Variants in DNAH12 observed in about 807,000 individuals in gnomAD.
The protein encoded by DNAH12 is axonemal beta dynein heavy chain 12.
DNAH12 carries 285 observed loss-of-function variants against 371.5 expected under a neutral mutation model. That is an observed-to-expected ratio of 0.77 (90% confidence interval 0.70 to 0.85). The LOEUF (loss-of-function observed/expected upper bound fraction) is 0.85, where lower values mean the gene tolerates loss of function less well. DNAH12 is among the 40% of genes least tolerant of loss of function. DNAH12 has a pLI of 0.00. For missense variants in DNAH12, 3,611 were observed against 3,689.4 expected (o/e 0.98, Z 0.55); for synonymous variants, 1,200 against 1,213.0 (o/e 0.99, Z 0.22).
intron 2 of DNAH12, among the ~76,000 whole-genome samples, chr3:57,538,270 CA>C (rs1372011033): frequency 1.1e-4 from 8 of 69,636 alleles, no homozygotes; most frequent in Non-Finnish European, 2.2e-4. Flanking sequence ...ACCAATAATT[CA>C]AAATGCATTT....
Position 57,542,741 on chromosome 3 carries a change from T to C in DNAH12, c.130A>G (p.Arg44Gly). The C allele has an allele frequency of 6.2e-7, 1 of 1,608,664 alleles. No individual in the cohort carries two copies. The highest frequency in any genetic ancestry group is 1.1e-5 in the South Asian group (1 of 89,952). ...TTCTGCTGCTGCTCCTTGGATCTTC[T>C]GTATTTTAGCAGCTTACTTTGTGTT... The part of the protein sequence containing the change: ...TPTQSKLLKY[R>G]RSKEQQQKIN... The change falls in exon 2 of 74, where the codon AGA becomes GGA. Residue 44 changes from arginine (R) to glycine (G), a missense_variant. Physicochemically the swap from Arg to Gly is moderately radical, Grantham distance 125. This residue lies in a region of DNAH12 where 1,314 missense variants were observed against 1,398.7 expected (regional missense o/e 0.94). Transcript: ENST00000495027.
At chr3:57,479,269 T>G (rs1330465286) in intron 13 of DNAH12, among the ~76,000 whole-genome samples, 3 of 152,024 alleles carry the variant, frequency 2.0e-5, no homozygotes, top group Non-Finnish European at 4.4e-5. Flanking sequence ...GGGGTTGCAA[T>G]CCTAGTCTCT....
At chr3:57,377,382 C>A (rs978014654) in intron 52 of DNAH12, among the ~76,000 whole-genome samples, 160 bp from the exon 53 acceptor site, 1 of 151,814 alleles carries the variant, frequency 6.6e-6, no homozygotes, top group African/African-American at 2.4e-5. Flanking sequence ...GTAAAATATA[C>A]CTATATATTT....
chr3:57,303,485 C>A (rs1392469553), intron 69 of DNAH12, among the ~76,000 whole-genome samples: 1 of 148,254 alleles, frequency 6.7e-6, no homozygotes. Flanking sequence ...GATCTCTGTT[C>A]ACTGCAGCCT....
At chr3:57,342,797 G>C (rs1215942005) in intron 60 of DNAH12, among the ~76,000 whole-genome samples, 1 of 151,912 alleles carries the variant, frequency 6.6e-6, no homozygotes, top group African/African-American at 2.4e-5. Context: ...AATGAGGCTA[G>C]CATGATGGTT....
chr3:57,341,806 A>G (rs2062407839), intron 60 of DNAH12, among the ~76,000 whole-genome samples: 1 of 152,194 alleles, frequency 6.6e-6, no homozygotes, highest in Non-Finnish European at 1.5e-5. Context: ...CAAATAGCCA[A>G]AACAATACTA....
Position 57,405,875 on chromosome 3 carries a change from T to C in DNAH12, c.6354A>G (p.Ser2118=), listed in dbSNP as rs1553681050. 2 of 1,551,372 alleles carry C rather than the reference T, an allele frequency of 1.3e-6. No homozygotes were observed. Among genetic ancestry groups the C allele is most frequent in the East Asian group, 4.9e-5 (2 of 40,912 alleles). ...TGAGTAAACAGCCCCGGATGACGCG[T>C]GAAAAATCACGCAAGTTGAAAGTAT... ...SHYTFNLRDF[S]RVIRGCLLIE... Residue 2118 remains serine, a synonymous_variant, in exon 41 of 74, where the codon TCA becomes TCG. Transcript: ENST00000495027.
At position 57,499,830 on chromosome 3, in the gene DNAH12, C is replaced by T. The variant is rs367594998; in HGVS notation, c.1335+1491G>A. The stretch of plus-strand genomic sequence containing the variant: ...TCCAGCCTGGGCAAGAGAGTGAGAC[C>T]CTGTCTCAAAAAACAAAACAAAACT... On this transcript the variant is annotated intron_variant, in intron 11 of 73. Transcript: ENST00000495027. Among the ~76,000 whole-genome samples the T allele has an allele frequency of 3.4e-5, 5 of 146,066 alleles. No individual in the cohort carries two copies. In the East Asian group the frequency reaches 8.0e-4, roughly 23 times the overall value.
At chr3:57,359,231 G>A (rs903018929) in intron 58 of DNAH12, among the ~76,000 whole-genome samples, 2 of 152,094 alleles carry the variant, frequency 1.3e-5, no homozygotes, top group Non-Finnish European at 2.9e-5. Context: ...TACCATTAGT[G>A]TTCTAAAATC....
intron 71 of DNAH12, 145 bp downstream of exon 71, chr3:57,296,702 A>G: frequency 9.5e-7 from 1 of 1,048,480 alleles, no homozygotes. Context: ...GCAATATATA[A>G]AAGTTCTAAG....
intron 45 of DNAH12, among the ~76,000 whole-genome samples, chr3:57,388,939 T>G (rs1048598156): frequency 2.6e-5 from 4 of 151,676 alleles, no homozygotes; most frequent in African/African-American, 9.7e-5. Flanking sequence ...AGCATTAGGA[T>G]ATATACCTAA....
At chr3:57,364,768 C>T (rs1221259448) in intron 57 of DNAH12, among the ~76,000 whole-genome samples, 1 of 152,080 alleles carries the variant, frequency 6.6e-6, no homozygotes, top group African/African-American at 2.4e-5. Flanking sequence ...AACAAATTTA[C>T]AAGAAAAGAC....
chr3:57,323,236 T>G lies in DNAH12; in HGVS notation c.10154A>C (p.Lys3385Thr), dbSNP rs1344201865. Reference protein sequence around the residue: ...MASLLKFANDKSMSGNKFQAI... With the variant: ...MASLLKFANDTSMSGNKFQAI... The stretch of plus-strand genomic sequence containing the variant: ...TTGAAACTTATTTCCAGACATAGAT[T>G]TATCATTTGCAAATTTCAGCAGGCC... The change falls in exon 64 of 74, where the codon AAA becomes ACA. Residue 3385 changes from lysine to threonine, a missense_variant. This residue lies in a region of DNAH12 where 2,266 missense variants were observed against 2,236.9 expected (regional missense o/e 1.01). Transcript: ENST00000495027. The G allele has an allele frequency of 6.4e-7, 1 of 1,551,694 alleles. No homozygotes were observed. Among genetic ancestry groups the G allele is most frequent in the Non-Finnish European group, 8.7e-7 (1 of 1,147,040 alleles).
chr3:57,512,156 A>G (rs1235102951), intron 4 of DNAH12, among the ~76,000 whole-genome samples: 2 of 152,224 alleles, frequency 1.3e-5, no homozygotes, highest in Admixed American at 6.6e-5. Flanking sequence ...TTTGCAACAT[A>G]CATCTCAGAC....
At chr3:57,550,146 C>G in the DNAH12 span, among the ~76,000 whole-genome samples, 1 of 151,786 alleles carries the variant, frequency 6.6e-6, no homozygotes, top group Non-Finnish European at 1.5e-5. Flanking sequence ...GACCCCATCT[C>G]TACAAAAAAA....
intron 19 of DNAH12, 85 bp from the exon 20 acceptor site, chr3:57,459,871 T>C: frequency 1.8e-6 from 2 of 1,110,208 alleles, no homozygotes; most frequent in South Asian, 3.6e-5. Flanking sequence ...TTAAATTTAC[T>C]ATTATTTTTA....
chr3:57,336,817 G>A (rs182582672), intron 60 of DNAH12, among the ~76,000 whole-genome samples: 2 of 152,152 alleles, frequency 1.3e-5, no homozygotes, highest in South Asian at 4.2e-4. Context: ...GAGGACTGAG[G>A]TCATATGGCT....
chr3:57,518,450 C>T lies in DNAH12; in HGVS notation c.279+5133G>A, dbSNP rs576754924. Among the ~76,000 whole-genome samples, 7 of 151,838 alleles carry T rather than the reference C, an allele frequency of 4.6e-5. No homozygotes were observed. The East Asian group carries it at 9.8e-4, about 21-fold the overall frequency. ...CTGAGGCACAAGAATTGCTTGAAGC[C>T]GGGAGGTGGAGGGTGCAGTGAGCTT... On this transcript the variant is annotated intron_variant, in intron 4 of 73. Transcript: ENST00000495027.
intron 13 of DNAH12, among the ~76,000 whole-genome samples, chr3:57,483,160 T>C (rs972590341): frequency 6.6e-6 from 1 of 150,998 alleles, no homozygotes; most frequent in South Asian, 2.1e-4. Context: ...TGGAAACCTC[T>C]AGAAGAGGAC....
Sources: allele counts gnomAD v4.1 joint callset (sites outside exome capture counted in the v4.1 genomes callset), GRCh38; gene constraint gnomAD v4.1.1; regional missense constraint gnomAD v4.1.1; transcripts MANE v1.5; gene names NCBI Gene and HGNC (gene_info 2026-07-23, HGNC 2026-07-21).